The following OR2L13 variants were observed in gnomAD, a reference collection of about 807,000 sequenced individuals.
OR2L13 encodes the protein olfactory receptor family 2 subfamily L member 13.
A neutral mutation model predicts 15.3 loss-of-function variants in OR2L13; 14 were observed. The ratio of observed to expected loss-of-function variants is 0.91; its 90% confidence interval spans 0.60 to 1.43. The LOEUF (loss-of-function observed/expected upper bound fraction) is 1.43. Among genes scored for constraint, OR2L13 ranks in the 40% most tolerant of loss-of-function variants. The probability of loss-of-function intolerance (pLI) is 0.00; values close to 1 mark genes in which losing one functional copy is unlikely to be tolerated. For synonymous variants in OR2L13, 152 were observed against 142.9 expected (o/e 1.06, Z -0.45); for missense variants, 367 against 387.9 (o/e 0.95, Z 0.45).
chr1:247,937,391 G>C, the OR2L13 span: 1 of 156,554 alleles, frequency 6.4e-6, no homozygotes, highest in Non-Finnish European at 1.4e-5. Flanking sequence ...CGAGGTATCA[G>C]ACGAGAGGCC....
upstream of OR2L13, among the ~76,000 whole-genome samples, chr1:248,090,205 G>T (rs1326899112): frequency 1.3e-5 from 2 of 152,030 alleles, no homozygotes; most frequent in Non-Finnish European, 2.9e-5. Flanking sequence ...AGTTTCGTTT[G>T]GTAACATCTC....
the OR2L13 span, among the ~76,000 whole-genome samples, chr1:247,963,358 A>C: frequency 0.038 from 5,718 of 152,170 alleles, 119 homozygotes; most frequent in African/African-American, 0.06. Context: ...TTGGTATGTT[A>C]ATGTATTCTA....
chr1:247,939,819 C>A, the OR2L13 span, among the ~76,000 whole-genome samples: 1 of 152,002 alleles, frequency 6.6e-6, no homozygotes, highest in Non-Finnish European at 1.5e-5. Flanking sequence ...ATGTATTGTT[C>A]CTCTTGTGGG....
chr1:248,077,626 T>A, the OR2L13 span, among the ~76,000 whole-genome samples: 2 of 152,126 alleles, frequency 1.3e-5, no homozygotes, highest in African/African-American at 4.8e-5. Flanking sequence ...TCTTTATGAC[T>A]TGGGGTTAGG....
the OR2L13 span, among the ~76,000 whole-genome samples, chr1:248,055,406 T>C: frequency 6.6e-5 from 10 of 152,168 alleles, no homozygotes; most frequent in African/African-American, 2.4e-4. Context: ...GTTTTCTTTT[T>C]TTTTTGTTAT....
At chr1:248,037,500 G>A in the OR2L13 span, among the ~76,000 whole-genome samples, 1 of 152,130 alleles carries the variant, frequency 6.6e-6, no homozygotes, top group South Asian at 2.1e-4. Context: ...ATATCTTTTT[G>A]AAGTTGTAAG....
the OR2L13 span, among the ~76,000 whole-genome samples, chr1:248,078,083 GATAAA>G: frequency 6.6e-6 from 1 of 152,148 alleles, no homozygotes; most frequent in African/African-American, 2.4e-5. Context: ...TTAAATCTGT[GATAAA>G]ATAAACTACA....
the OR2L13 span, among the ~76,000 whole-genome samples, chr1:248,048,771 A>C: frequency 6.6e-6 from 1 of 152,132 alleles, no homozygotes. Context: ...TCGCTTCAGA[A>C]GACAGGAAGT....
the OR2L13 span, chr1:248,040,683 T>C: frequency 6.6e-6 from 1 of 152,212 alleles, no homozygotes; most frequent in African/African-American, 2.4e-5. Flanking sequence ...ACATATAAGA[T>C]ACAAAGTTGT....
the OR2L13 span, among the ~76,000 whole-genome samples, chr1:247,967,612 T>G: frequency 6.6e-6 from 1 of 152,194 alleles, no homozygotes; most frequent in African/African-American, 2.4e-5. Flanking sequence ...TATTCCATTA[T>G]TAAACATTTG....
chr1:248,085,771 G>T, the OR2L13 span, among the ~76,000 whole-genome samples: 44 of 152,300 alleles, frequency 2.9e-4, no homozygotes, highest in African/African-American at 1.0e-3. Flanking sequence ...GGTTGTGGGA[G>T]AGGGGATGCT....
At chr1:248,077,489 A>G in the OR2L13 span, among the ~76,000 whole-genome samples, 2 of 152,058 alleles carry the variant, frequency 1.3e-5, no homozygotes, top group African/African-American at 2.4e-5. Flanking sequence ...TTTTTGGTGT[A>G]GGCTATTAAT....
At chr1:248,085,418 T>TAATAAAATAAAATAAAATAAAATAA in the OR2L13 span, among the ~76,000 whole-genome samples, 56 of 27,628 alleles carry the variant, frequency 2.0e-3, 6 homozygotes, top group African/African-American at 3.0e-3. Context: ...TAAAATAAAA[T>TAATAAAATAAAATAAAATAAAATAA]AATAAAATAA....
chr1:248,083,497 C>G, the OR2L13 span: 1 of 714,420 alleles, frequency 1.4e-6, no homozygotes. Flanking sequence ...ATACAATTAG[C>G]TCACTTCATT....
chr1:248,024,234 A>G, the OR2L13 span: 1 of 152,164 alleles, frequency 6.6e-6, no homozygotes. Context: ...TTGTAATGAT[A>G]GCCATTAAAA....
the OR2L13 span, chr1:248,022,851 C>A: frequency 6.2e-7 from 1 of 1,611,630 alleles, no homozygotes; most frequent in South Asian, 1.1e-5. Context: ...GGCCCTGACA[C>A]GAGTGATTCA....
chr1:248,050,592 T>G, the OR2L13 span, among the ~76,000 whole-genome samples: 1 of 152,134 alleles, frequency 6.6e-6, no homozygotes, highest in African/African-American at 2.4e-5. Context: ...GATGTGCCAT[T>G]TATTATGCTG....
chr1:248,094,432 T>C (rs1419535412), upstream of OR2L13, among the ~76,000 whole-genome samples: 1 of 152,178 alleles, frequency 6.6e-6, no homozygotes, highest in Non-Finnish European at 1.5e-5. Context: ...ACAGACACTA[T>C]GTAAACATTT....
chr1:248,038,201 TA>T, the OR2L13 span: 1 of 1,168,102 alleles, frequency 8.6e-7, no homozygotes, highest in Non-Finnish European at 1.2e-6. Context: ...CCACTGTGGA[TA>T]AAAGTGAATT....
Sources: gnomAD v4.1 joint callset for allele counts (sites outside exome capture counted in the v4.1 genomes callset) on GRCh38, gnomAD v4.1.1 for gene constraint, MANE v1.5 for transcripts, NCBI Gene and HGNC (gene_info 2026-07-23, HGNC 2026-07-21) for gene names.